Variants in PNLIP observed in about 807,000 individuals in gnomAD.
PNLIP encodes the protein pancreatic triacylglycerol lipase.
A neutral mutation model predicts 57.1 loss-of-function variants in PNLIP; 49 were observed. That is an observed-to-expected ratio of 0.86 (90% CI 0.68 to 1.09). PNLIP has a LOEUF of 1.09. Ranked by LOEUF, PNLIP falls within the 50% of genes least tolerant of loss-of-function variation. The probability of loss-of-function intolerance (pLI) is 0.00; values close to 1 mark genes in which losing one functional copy is unlikely to be tolerated. For synonymous variants in PNLIP, 209 were observed against 200.4 expected, an observed-to-expected ratio of 1.04 and a Z score of -0.36; for missense variants, 503 against 570.2, an observed-to-expected ratio of 0.88 and a Z score of 1.20.
chr10:116,548,628 G>A, intron 4 of PNLIP, 146 bp downstream of exon 4: 4 of 846,200 alleles, frequency 4.7e-6, no homozygotes, highest in East Asian at 2.7e-5. Context: ...TCCTAGGGGA[G>A]GTCAAGGAGG....
At chr10:116,556,140 C>A in intron 9 of PNLIP, 22 bp downstream of exon 9, 1 of 1,384,800 alleles carries the variant, frequency 7.2e-7, no homozygotes, top group Non-Finnish European at 1.0e-6. Context: ...CCACCTTCCG[C>A]ATAAAGAATT....
chr10:116,558,827 G>A (rs907944094), intron 9 of PNLIP, among the ~76,000 whole-genome samples: 1 of 151,918 alleles, frequency 6.6e-6, no homozygotes, highest in Admixed American at 6.6e-5. Flanking sequence ...GTTTCACCAT[G>A]TTGGTCAGGC....
chr10:116,555,352 A>C, intron 7 of PNLIP, 36 bp from the exon 8 acceptor site: 1 of 1,614,146 alleles, frequency 6.2e-7, no homozygotes, highest in Non-Finnish European at 8.5e-7. Context: ...GTCTATATAC[A>C]TTAGCATAAA....
At chr10:116,547,580 G>A in intron 3 of PNLIP, 132 bp downstream of exon 3, 2 of 697,032 alleles carry the variant, frequency 2.9e-6, no homozygotes, top group South Asian at 3.9e-5. Context: ...CAAACAATTA[G>A]CCAGGCGTGG....
chr10:116,551,892 CT>C (rs1847197866), intron 5 of PNLIP, among the ~76,000 whole-genome samples: 1 of 152,178 alleles, frequency 6.6e-6, no homozygotes. Context: ...TTTGAAGGTT[CT>C]CCCTCTGCGC....
intron 5 of PNLIP, among the ~76,000 whole-genome samples, chr10:116,552,963 C>T (rs2133201249): frequency 6.6e-6 from 1 of 152,146 alleles, no homozygotes; most frequent in African/African-American, 2.4e-5. Flanking sequence ...GAGTAATGTA[C>T]AGTATATAAA....
intron 2 of PNLIP, 112 bp downstream of exon 2, chr10:116,546,250 G>C (rs1347907617): frequency 1.1e-6 from 1 of 913,460 alleles, no homozygotes; most frequent in African/African-American, 1.6e-5. Context: ...TTACTTCAAG[G>C]AGTAAAGCAC....
At chr10:116,567,540 AC>A (rs1220347552) in intron 12 of PNLIP, among the ~76,000 whole-genome samples, 194 bp from the exon 13 acceptor site, 1 of 152,186 alleles carries the variant, frequency 6.6e-6, no homozygotes, top group Non-Finnish European at 1.5e-5. Context: ...CTATTGCACA[AC>A]CAGAAAATAA....
intron 5 of PNLIP, 37 bp downstream of exon 5, chr10:116,551,269 T>C: frequency 7.5e-7 from 1 of 1,341,830 alleles, no homozygotes. Context: ...CCTGTACACA[T>C]GGTTTTCCAG....
chr10:116,558,910 C>A (rs1378906183), intron 9 of PNLIP, among the ~76,000 whole-genome samples: 1 of 152,174 alleles, frequency 6.6e-6, no homozygotes, highest in Non-Finnish European at 1.5e-5. Context: ...CAAGCGTGAG[C>A]CACCACGCCC....
intron 4 of PNLIP, 73 bp downstream of exon 4, chr10:116,548,555 C>A: frequency 1.3e-6 from 2 of 1,514,262 alleles, no homozygotes; most frequent in Non-Finnish European, 1.8e-6. Context: ...GCACTGGCCC[C>A]GACCAATGAG....
intron 6 of PNLIP, among the ~76,000 whole-genome samples, chr10:116,554,898 C>T (rs1031411650): frequency 6.6e-5 from 10 of 152,232 alleles, no homozygotes; most frequent in Middle Eastern, 3.4e-3. Flanking sequence ...TTTAACCCTG[C>T]GTGGTTTTTA....
intron 12 of PNLIP, 50 bp downstream of exon 12, chr10:116,561,686 A>G (rs1731246746): frequency 6.7e-7 from 1 of 1,498,288 alleles, no homozygotes; most frequent in African/African-American, 1.4e-5. Flanking sequence ...CTGTGTTTAT[A>G]GTTCTATTCC....
At chr10:116,567,628 C>G (rs45523539) in intron 12 of PNLIP, 107 bp from the exon 13 acceptor site, 2 of 841,962 alleles carry the variant, frequency 2.4e-6, no homozygotes, top group Admixed American at 1.9e-5. Flanking sequence ...GCACAGGGTG[C>G]GCCCTTCCCT....
chr10:116,560,162 G>T (rs1313312421), intron 10 of PNLIP, among the ~76,000 whole-genome samples: 1 of 150,182 alleles, frequency 6.7e-6, no homozygotes, highest in Non-Finnish European at 1.5e-5. Flanking sequence ...TTAGTCCCTT[G>T]GCTTGAAAAA....
intron 5 of PNLIP, among the ~76,000 whole-genome samples, chr10:116,552,113 A>G (rs371748725): frequency 2.0e-5 from 3 of 152,326 alleles, no homozygotes; most frequent in African/African-American, 7.2e-5. Flanking sequence ...CTGCACTCCC[A>G]GTTATATAAA....
rs1298412725 is a variant in PNLIP, at chr10:116,561,603, C to T, written c.1301C>T (p.Ser434Phe). The T allele has an allele frequency of 1.2e-6, 2 of 1,612,312 alleles. No homozygotes were observed. Among genetic ancestry groups the T allele is most frequent in the Non-Finnish European group, 1.7e-6 (2 of 1,179,366 alleles). The change falls in exon 12 of 13, where the codon TCC (serine) becomes TTC (phenylalanine). Residue 434 changes from serine (S) to phenylalanine (F), a missense_variant. Physicochemically the swap from Ser to Phe is radical, Grantham distance 155 (BLOSUM62 -2). Coordinates refer to ENST00000369221, the MANE Select transcript of PNLIP (RefSeq NM_000936.4). Reference sequence around the variant, plus strand: ...CCAACTTTACCTAGAGTGGGAGCATCCAAGATTATAGTGGAGACAAATGTT... The same window carrying T: ...CCAACTTTACCTAGAGTGGGAGCATTCAAGATTATAGTGGAGACAAATGTT... Reference protein sequence around the residue: ...INPTLPRVGASKIIVETNVGK... With the variant: ...INPTLPRVGAFKIIVETNVGK...
intron 6 of PNLIP, 128 bp from the exon 7 acceptor site, chr10:116,555,050 A>T: frequency 2.9e-6 from 3 of 1,031,802 alleles, no homozygotes; most frequent in Non-Finnish European, 4.4e-6. Flanking sequence ...CTAGAAGTAG[A>T]TTCCTCTTCA....
chr10:116,564,602 A>G (rs1847345136), intron 12 of PNLIP, among the ~76,000 whole-genome samples: 1 of 152,196 alleles, frequency 6.6e-6, no homozygotes, highest in Admixed American at 6.5e-5. Flanking sequence ...GGAAATAGGA[A>G]ATACATGATA....
Sources: gnomAD v4.1 joint callset for allele counts (sites outside exome capture counted in the v4.1 genomes callset) on GRCh38, gnomAD v4.1.1 for gene constraint, MANE v1.5 for transcripts, NCBI Gene and HGNC (gene_info 2026-07-23, HGNC 2026-07-21) for gene names.